Variants in PNPLA7 observed in about 807,000 individuals in gnomAD.
PNPLA7 encodes patatin like domain 7, lysophospholipase.
Under a neutral mutation model 161.7 loss-of-function variants are expected in PNPLA7, and 153 were observed. The ratio of observed to expected loss-of-function variants is 0.95; its 90% CI spans 0.83 to 1.08. PNPLA7 has a LOEUF of 1.08. PNPLA7 is among the 50% of genes least tolerant of loss of function. The pLI, the probability that PNPLA7 is intolerant of heterozygous loss-of-function variation, is 0.00. For synonymous variants in PNPLA7, 809 were observed against 782.1 expected (o/e 1.03, Z -0.57); for missense variants, 1,739 against 1,856.6 (o/e 0.94, Z 1.16).
chr9:137,461,783 C>T, intron 32 of PNPLA7, 148 bp downstream of exon 32: 1 of 1,195,630 alleles, frequency 8.4e-7, no homozygotes, highest in Non-Finnish European at 1.2e-6. Context: ...CCTGAGCAAT[C>T]CTTGTCCTGG....
intron 33 of PNPLA7, chr9:137,461,162 G>C (rs1263819868): frequency 2.9e-6 from 1 of 342,432 alleles, no homozygotes; most frequent in African/African-American, 2.1e-5. Flanking sequence ...GCAGGGCCCT[G>C]GATGGAGCAT....
At chr9:137,502,983 G>A (rs2132309877) in intron 14 of PNPLA7, among the ~76,000 whole-genome samples, 1 of 152,038 alleles carries the variant, frequency 6.6e-6, no homozygotes, top group East Asian at 1.9e-4. Context: ...AAGGTGGGCT[G>A]TGGTGTGATC....
Position 137,468,167 on chromosome 9 carries a change from T to C in PNPLA7, c.2883-694A>G, listed in dbSNP as rs775309697. 6.6e-6 allele frequency among the ~76,000 whole-genome samples: 1 copy of C among 151,688 alleles called. No homozygotes were observed. The highest frequency in any genetic ancestry group is 1.5e-5 in the Non-Finnish European group (1 of 67,888). ...TGAGCTGGATGTAGACCAGCACCCA[T>C]GAGACCAGGGAGCACCCCCGAGACC... On this transcript the variant is annotated intron_variant, in intron 25 of 34. Coordinates refer to ENST00000406427, the MANE Select transcript of PNPLA7 (RefSeq NM_001098537.3). The surrounding 1 kb of genome is among the most constrained non-coding windows in gnomAD (Gnocchi z 4.0).
chr9:137,512,452 C>G (rs2132402197), intron 12 of PNPLA7, among the ~76,000 whole-genome samples: 1 of 152,364 alleles, frequency 6.6e-6, no homozygotes, highest in Middle Eastern at 3.4e-3. Context: ...CGGCAGGCAG[C>G]CGTGGTGGGG....
Position 137,498,316 on chromosome 9 carries a change from C to T in PNPLA7, c.1758-71G>A, listed in dbSNP as rs148577336. The T allele has an allele frequency of 2.1e-3, 3,256 of 1,580,728 alleles. 12 individuals carry two copies. Among genetic ancestry groups the T allele is most frequent in the East Asian group, 0.014 (633 of 44,418 alleles). ...ACCCTTCGCCCAGGGCCGCAGTGCTCGGGAATGGATGGGACCCACAACCCC... is the reference window on the plus strand; with the variant it reads ...ACCCTTCGCCCAGGGCCGCAGTGCTTGGGAATGGATGGGACCCACAACCCC... On this transcript the variant is annotated intron_variant, in intron 16 of 34. Transcript: ENST00000406427.
chr9:137,526,863 G>A (rs1229137207), intron 8 of PNPLA7, among the ~76,000 whole-genome samples: 1 of 152,160 alleles, frequency 6.6e-6, no homozygotes, highest in Non-Finnish European at 1.5e-5. Context: ...AGATAATCAT[G>A]TTTGGGAATA....
At chr9:137,538,666 G>C (rs1428398900) in intron 8 of PNPLA7, among the ~76,000 whole-genome samples, 3 of 152,182 alleles carry the variant, frequency 2.0e-5, no homozygotes. Context: ...GAGTTGAGAG[G>C]CATTTAGCAA....
In PNPLA7 at chr9:137,497,251, A is replaced by C; in HGVS notation, c.1949T>G (p.Ile650Ser). Residue 650 changes from isoleucine to serine, a missense_variant, in exon 18 of 35, where the codon ATC becomes AGC. Coordinates refer to ENST00000406427, the MANE Select transcript of PNPLA7 (RefSeq NM_001098537.3). ...IMLSGRLRSV[I>S]RKDDGKKRLA... Reference sequence around the variant, plus strand: ...GCGCTTCTTCCCATCATCCTTCCGGATCACAGAGCGCAGCCGGCCGCTGAG... The same window carrying C: ...GCGCTTCTTCCCATCATCCTTCCGGCTCACAGAGCGCAGCCGGCCGCTGAG... 1.3e-6 allele frequency: 2 copies of C among 1,593,068 alleles called. No individual in the cohort carries two copies. The highest frequency in any genetic ancestry group is 1.1e-5 in the South Asian group (1 of 87,540).
intron 20 of PNPLA7, among the ~76,000 whole-genome samples, chr9:137,492,526 G>T (rs1470313794): frequency 7.2e-5 from 5 of 69,434 alleles, no homozygotes; most frequent in Non-Finnish European, 1.4e-4. Flanking sequence ...TGGGGCTCCA[G>T]CACAGGGCGG....
At chr9:137,519,833 T>C (rs555264618) in intron 11 of PNPLA7, 84 bp downstream of exon 11, 21 of 1,518,726 alleles carry the variant, frequency 1.4e-5, no homozygotes, top group Admixed American at 7.9e-5. Context: ...ATGTGCAAGA[T>C]GACCTGGGGT....
At chr9:137,515,747 C>G (rs1834505580) in intron 11 of PNPLA7, among the ~76,000 whole-genome samples, 1 of 142,572 alleles carries the variant, frequency 7.0e-6, no homozygotes, top group Non-Finnish European at 1.5e-5. Flanking sequence ...CCCAATCCCG[C>G]CTCCCACATC....
At position 137,523,906 on chromosome 9, in the gene PNPLA7, C is replaced by T. The variant is rs531711272; in HGVS notation, c.748-1049G>A. Reference sequence around the variant, plus strand: ...CGGCCTCCCAAAGTGCTGGGATTACCGGCGTGAGCCACCACGCCTGGCTCA... The same window carrying T: ...CGGCCTCCCAAAGTGCTGGGATTACTGGCGTGAGCCACCACGCCTGGCTCA... On this transcript the variant is annotated intron_variant, in intron 8 of 34. Transcript: ENST00000406427. The surrounding 1 kb of genome is among the most constrained non-coding windows in gnomAD (Gnocchi z 4.4). Among the ~76,000 whole-genome samples the T allele has an allele frequency of 2.0e-5, 3 of 151,804 alleles. No homozygotes were observed. Among genetic ancestry groups the T allele is most frequent in the Non-Finnish European group, 2.9e-5 (2 of 67,960 alleles).
chr9:137,519,765 T>C, intron 11 of PNPLA7, 152 bp downstream of exon 11: 1 of 1,051,830 alleles, frequency 9.5e-7, no homozygotes, highest in South Asian at 1.7e-5. Context: ...CTTGTGGGAC[T>C]TGTAGGGTGA....
chr9:137,501,826 G>A (rs1440156568), intron 14 of PNPLA7, 99 bp from the exon 15 acceptor site: 1 of 1,224,498 alleles, frequency 8.2e-7, no homozygotes, highest in African/African-American at 1.5e-5. Flanking sequence ...AACGAGCGGT[G>A]AGGCCAGAGG....
intron 14 of PNPLA7, among the ~76,000 whole-genome samples, chr9:137,502,719 CGCGGGG>C (rs1564321628): frequency 2.2e-5 from 2 of 90,596 alleles, no homozygotes; most frequent in East Asian, 3.1e-4. Context: ...ACGCGGGGGA[CGCGGGG>C]GACGGGGGGG....
chr9:137,539,612 T>C (rs1162671441), intron 8 of PNPLA7, among the ~76,000 whole-genome samples: 3 of 151,990 alleles, frequency 2.0e-5, no homozygotes, highest in African/African-American at 7.3e-5. Flanking sequence ...GAGGTTGCAA[T>C]GAGCAAAGAT....
chr9:137,480,736 C>T (rs1018170673), intron 22 of PNPLA7: 24 of 719,884 alleles, frequency 3.3e-5, no homozygotes, highest in Admixed American at 8.4e-5. Flanking sequence ...GCTGCCCAGG[C>T]GGGAAGCGGG....
rs895764820 is a variant in PNPLA7, at chr9:137,463,312, C to A, written c.3343+103G>T. On this transcript the variant is annotated intron_variant, in intron 29 of 34. Transcript: ENST00000406427. ...GGCATACTCTAAGGAAAACGTGTTC[C>A]AGCCCAGGCTTCTTGGAGCGGAGGC... The A allele has an allele frequency of 4.7e-6, 5 of 1,074,394 alleles. 1 individual carries two copies. In the African/African-American group the frequency reaches 7.9e-5, roughly 17 times the overall value. The allele number at this position is 1,074,394 out of a possible 1,614,324, so 66.6% of individuals were successfully genotyped here. A position where few individuals can be genotyped will look rare whatever the true frequency, so the allele number is the denominator to read the frequency against.
intron 11 of PNPLA7, among the ~76,000 whole-genome samples, chr9:137,518,014 C>A (rs146860482): frequency 1.3e-4 from 16 of 119,754 alleles, no homozygotes; most frequent in East Asian, 2.8e-4. Flanking sequence ...ACTCCATCCC[C>A]CACTCACTCA....
Sources: allele counts gnomAD v4.1 joint callset (sites outside exome capture counted in the v4.1 genomes callset), GRCh38; gene constraint gnomAD v4.1.1; non-coding constraint Gnocchi (gnomAD v3.1); transcripts MANE v1.5; gene names NCBI Gene and HGNC (gene_info 2026-07-23, HGNC 2026-07-21).